Variants in RNF11 observed in about 807,000 individuals in gnomAD.
The protein encoded by RNF11 is ring finger protein 11.
A neutral mutation model predicts 15.8 loss-of-function variants in RNF11; 4 were observed. The ratio of observed to expected loss-of-function variants is 0.25; its 90% CI spans 0.12 to 0.58. The LOEUF is 0.58. Among genes scored for constraint, RNF11 ranks in the 20% least tolerant of loss-of-function variants. RNF11 has a pLI of 0.91. For missense variants in RNF11, 139 were observed against 194.4 expected, an observed-to-expected ratio of 0.71 and a Z score of 1.70; for synonymous variants, 68 against 72.3, an observed-to-expected ratio of 0.94 and a Z score of 0.30.
chr1:51,245,032 G>A (rs1646845635), intron 1 of RNF11, among the ~76,000 whole-genome samples: 1 of 152,052 alleles, frequency 6.6e-6, no homozygotes, highest in South Asian at 2.1e-4. Flanking sequence ...ATCTTTAAAA[G>A]TTTTAATAGA....
intron 1 of RNF11, among the ~76,000 whole-genome samples, chr1:51,245,753 A>G (rs539861708): frequency 6.6e-5 from 10 of 152,282 alleles, no homozygotes; most frequent in Admixed American, 1.3e-4. Context: ...CTGGACACCA[A>G]CAGCCTATTT....
At position 51,265,634 on chromosome 1, in the gene RNF11, T is replaced by C. The variant is rs1360726977; in HGVS notation, c.124-4322T>C. On this transcript the variant is annotated intron_variant, in intron 1 of 2. Transcript: ENST00000242719. ...AATTTAAACTCACAGGGCAAGCCCATGTGTCTCCTAATCAACAACGAGGAA... is the reference window on the plus strand; with the variant it reads ...AATTTAAACTCACAGGGCAAGCCCACGTGTCTCCTAATCAACAACGAGGAA... 2.6e-5 allele frequency among the ~76,000 whole-genome samples: 4 copies of C among 152,340 alleles called. No homozygotes were observed. The South Asian group carries it at 6.2e-4, about 24-fold the overall frequency.
chr1:51,265,337 A>T (rs541161727), intron 1 of RNF11: 4 of 152,134 alleles, frequency 2.6e-5, no homozygotes, highest in Non-Finnish European at 5.9e-5. Context: ...AAAAAAAAAA[A>T]AAAAGACTGT....
At chr1:51,269,858 C>A in intron 1 of RNF11, 98 bp from the exon 2 acceptor site, 2 of 990,158 alleles carry the variant, frequency 2.0e-6, no homozygotes, top group East Asian at 2.6e-5. Context: ...CTTCCTACCC[C>A]TCCCAGGGCT....
intron 1 of RNF11, among the ~76,000 whole-genome samples, chr1:51,268,211 TA>T (rs1322890940): frequency 6.6e-6 from 1 of 152,198 alleles, no homozygotes; most frequent in Non-Finnish European, 1.5e-5. Context: ...TCATGGGAAT[TA>T]AAATTTAAAA....
chr1:51,267,356 C>G (rs1044491482), intron 1 of RNF11, among the ~76,000 whole-genome samples: 1 of 152,154 alleles, frequency 6.6e-6, no homozygotes, highest in Admixed American at 6.5e-5. Flanking sequence ...TCAAAACAGT[C>G]CCCAGGTTTG....
At chr1:51,253,666 A>G (rs1274896096) in intron 1 of RNF11, among the ~76,000 whole-genome samples, 1 of 152,192 alleles carries the variant, frequency 6.6e-6, no homozygotes, top group Non-Finnish European at 1.5e-5. Context: ...ATGTAGGTAA[A>G]TGGATATAAA....
At chr1:51,241,531 G>A (rs1178182961) in intron 1 of RNF11, among the ~76,000 whole-genome samples, 2 of 152,128 alleles carry the variant, frequency 1.3e-5, no homozygotes, top group Non-Finnish European at 2.9e-5. Flanking sequence ...AAGTGATTTA[G>A]GGGTTTTTAC....
chr1:51,236,602 C>T lies in RNF11; in HGVS notation c.-155C>T, dbSNP rs1192673540. On this transcript the variant is annotated 5_prime_UTR_variant, in exon 1 of 3. Transcript: ENST00000242719. Reference sequence around the variant, plus strand: ...CAACCCCGGGGGCTGGCATGAGCGGCCCCTCGGCGGCACCGTGGGGCGGTG... The same window carrying T: ...CAACCCCGGGGGCTGGCATGAGCGGTCCCTCGGCGGCACCGTGGGGCGGTG... The T allele has an allele frequency of 2.2e-6, 2 of 896,540 alleles. No homozygotes were observed. The highest frequency in any genetic ancestry group is 1.8e-5 in the African/African-American group (1 of 56,570). 55.5% of individuals were successfully genotyped at this position (896,540 alleles called of 1,614,324 possible). A position where few individuals can be genotyped will look rare whatever the true frequency, so the allele number is the denominator to read the frequency against.
At chr1:51,243,654 G>T (rs969909172) in intron 1 of RNF11, among the ~76,000 whole-genome samples, 4 of 152,184 alleles carry the variant, frequency 2.6e-5, no homozygotes, top group African/African-American at 7.2e-5. Context: ...GCTCAGGCTG[G>T]TGTGCAACTC....
intron 1 of RNF11, among the ~76,000 whole-genome samples, chr1:51,256,184 T>C (rs1646903447): frequency 6.6e-6 from 1 of 152,220 alleles, no homozygotes; most frequent in Non-Finnish European, 1.5e-5. Context: ...ATCATACGTG[T>C]AGTTTTACTG....
chr1:51,255,874 G>T (rs1004778318), intron 1 of RNF11, among the ~76,000 whole-genome samples: 2 of 152,094 alleles, frequency 1.3e-5, no homozygotes, highest in Non-Finnish European at 2.9e-5. Flanking sequence ...TATAAGTAAG[G>T]TTTGAAATCA....
At position 51,244,949 on chromosome 1, in the gene RNF11, C is replaced by T. The variant is rs550037928; in HGVS notation, c.123+8070C>T. Among the ~76,000 whole-genome samples the T allele has an allele frequency of 1.1e-4, 16 of 152,282 alleles. 1 individual carries two copies. The highest frequency in any genetic ancestry group is 3.6e-4 in the African/African-American group (15 of 41,558). On this transcript the variant is annotated intron_variant, in intron 1 of 2. Coordinates refer to ENST00000242719, the MANE Select transcript of RNF11 (RefSeq NM_014372.5). Reference sequence around the variant, plus strand: ...AGATGGGATGGTGAGTTACTTGGTACATAAGATCTGAGCACTTGATTTTCT... The same window carrying T: ...AGATGGGATGGTGAGTTACTTGGTATATAAGATCTGAGCACTTGATTTTCT...
At chr1:51,256,588 A>G (rs892215766) in intron 1 of RNF11, among the ~76,000 whole-genome samples, 1 of 152,160 alleles carries the variant, frequency 6.6e-6, no homozygotes, top group Non-Finnish European at 1.5e-5. Context: ...AAAGGGTGCA[A>G]TTGCTGGATC....
chr1:51,271,530 C>T lies in RNF11; in HGVS notation c.*208C>T, dbSNP rs1646978571. Reference sequence around the variant, plus strand: ...AGTAGGATGGTATTTTTATGTAAAGCCTTGACCCAATGTTTAAAAATATAA... The same window carrying T: ...AGTAGGATGGTATTTTTATGTAAAGTCTTGACCCAATGTTTAAAAATATAA... On this transcript the variant is annotated 3_prime_UTR_variant, in exon 3 of 3. Transcript: ENST00000242719. 4 of 479,410 alleles carry T rather than the reference C, an allele frequency of 8.3e-6. No individual in the cohort carries two copies. Among genetic ancestry groups the T allele is most frequent in the Non-Finnish European group, 1.5e-5 (4 of 267,722 alleles). 29.7% of individuals were successfully genotyped at this position (479,410 alleles called of 1,614,324 possible). A position where few individuals can be genotyped will look rare whatever the true frequency, so the allele number is the denominator to read the frequency against.
intron 1 of RNF11, among the ~76,000 whole-genome samples, chr1:51,263,140 A>G (rs1293371253): frequency 6.6e-6 from 1 of 152,220 alleles, no homozygotes. Flanking sequence ...TGGCAGTTCT[A>G]CAAAAGGTTT....
intron 1 of RNF11, among the ~76,000 whole-genome samples, chr1:51,239,302 G>A (rs1013917263): frequency 6.6e-6 from 1 of 152,128 alleles, no homozygotes; most frequent in Non-Finnish European, 1.5e-5. Context: ...GAGGGATGAG[G>A]GGTTTTTGGT....
At chr1:51,257,524 A>G (rs750032253) in intron 1 of RNF11, among the ~76,000 whole-genome samples, 42 of 152,204 alleles carry the variant, frequency 2.8e-4, no homozygotes, top group Non-Finnish European at 4.9e-4. Context: ...GCACAATCTC[A>G]GCTCACTGCA....
At chr1:51,257,478 A>G (rs987220957) in intron 1 of RNF11, among the ~76,000 whole-genome samples, 1 of 151,662 alleles carries the variant, frequency 6.6e-6, no homozygotes, top group African/African-American at 2.4e-5. Flanking sequence ...TGTTTTGGAG[A>G]TAGTCTTGCT....
Sources: gnomAD v4.1 joint callset for allele counts (sites outside exome capture counted in the v4.1 genomes callset) on GRCh38, gnomAD v4.1.1 for gene constraint, MANE v1.5 for transcripts, NCBI Gene and HGNC (gene_info 2026-07-23, HGNC 2026-07-21) for gene names.